TNFSF8: variants seen among roughly 807,000 people sequenced by gnomAD.
TNFSF8 encodes tumor necrosis factor ligand superfamily member 8.
In TNFSF8, 4 loss-of-function variants were observed where a neutral mutation model predicts 22.0. That is an observed-to-expected ratio of 0.18 (90% CI 0.09 to 0.42). The LOEUF is 0.42. TNFSF8 is among the 10% of genes least tolerant of loss of function. The pLI, the probability that TNFSF8 is intolerant of heterozygous loss-of-function variation, is 1.00. For missense variants in TNFSF8, 233 were observed against 281.8 expected (o/e 0.83, Z 1.24); for synonymous variants, 106 against 112.5 (o/e 0.94, Z 0.37).
At position 114,901,517 on chromosome 9, in the gene TNFSF8, A is replaced by T; in HGVS notation, c.*2414T>A. The T allele has an allele frequency of 1.0e-6, 1 of 985,254 alleles. No homozygotes were observed. Among genetic ancestry groups the T allele is most frequent in the Non-Finnish European group, 1.2e-6 (1 of 829,762 alleles). The allele number at this position is 985,254 out of a possible 1,614,324, so 61.0% of individuals were successfully genotyped here. A position where few individuals can be genotyped will look rare whatever the true frequency, so the allele number is the denominator to read the frequency against. On this transcript the variant is annotated 3_prime_UTR_variant, in exon 4 of 4. Coordinates refer to ENST00000223795, the MANE Select transcript of TNFSF8 (RefSeq NM_001244.4). ...AATCTTTCTCGAGTTAGAATGTGAG[A>T]TGGCAAAAAAATTGCTTAGTTAACA...
chr9:114,918,117 C>T lies in TNFSF8; in HGVS notation c.217G>A (p.Asp73Asn). ...QRTDSIPNSP[D>N]NVPLKGGNCS... ...TTACCTCCTTTGAGGGGGACGTTGT[C>T]AGGTGAGTTGGGAATGGAGTCCTGG... Residue 73 changes from aspartate (D) to asparagine (N), a missense_variant, in exon 2 of 4, where the codon GAC becomes AAC. Coordinates refer to ENST00000223795, the MANE Select transcript of TNFSF8 (RefSeq NM_001244.4). 1 of 1,607,348 alleles carries T rather than the reference C, an allele frequency of 6.2e-7. No homozygotes were observed. Among genetic ancestry groups the T allele is most frequent in the Non-Finnish European group, 8.5e-7 (1 of 1,176,644 alleles).
At chr9:114,926,344 G>T (rs1828059508) in intron 1 of TNFSF8, among the ~76,000 whole-genome samples, 1 of 152,118 alleles carries the variant, frequency 6.6e-6, no homozygotes, top group Admixed American at 6.5e-5. Context: ...GCAGGAGAAT[G>T]GGGGGAATCC....
chr9:114,902,491 G>T lies in TNFSF8; in HGVS notation c.*1440C>A, dbSNP rs774704147. The T allele has an allele frequency of 5.1e-6, 5 of 985,420 alleles. No individual in the cohort carries two copies. The highest frequency in any genetic ancestry group is 4.8e-6 in the Non-Finnish European group (4 of 829,928). The allele number at this position is 985,420 out of a possible 1,614,324, so 61.0% of individuals were successfully genotyped here. ...ACTGGAATAGAGTCAGGCCTCGTCAGATGGTTTCCCAAACACCCAGATGGT... is the reference window on the plus strand; with the variant it reads ...ACTGGAATAGAGTCAGGCCTCGTCATATGGTTTCCCAAACACCCAGATGGT... On this transcript the variant is annotated 3_prime_UTR_variant, in exon 4 of 4. Transcript: ENST00000223795.
chr9:114,920,006 G>A (rs760187386), intron 1 of TNFSF8, among the ~76,000 whole-genome samples: 4 of 152,194 alleles, frequency 2.6e-5, no homozygotes, highest in Non-Finnish European at 5.9e-5. Context: ...CCTTCCTACT[G>A]TAACAGTCTA....
intron 2 of TNFSF8, among the ~76,000 whole-genome samples, chr9:114,909,631 T>C (rs979519295): frequency 3.3e-5 from 5 of 152,222 alleles, no homozygotes; most frequent in African/African-American, 1.2e-4. Flanking sequence ...CAGCAGGCTG[T>C]ATAGACTCAG....
intron 4 of TNFSF8, among the ~76,000 whole-genome samples, chr9:114,895,942 C>T (rs532657645): frequency 6.6e-6 from 1 of 152,326 alleles, no homozygotes; most frequent in Admixed American, 6.5e-5. Context: ...CCAAGGGAGA[C>T]AGTTGGATCA....
chr9:114,927,097 GTTTA>G (rs1317441252), intron 1 of TNFSF8, among the ~76,000 whole-genome samples: 28 of 142,616 alleles, frequency 2.0e-4, no homozygotes, highest in African/African-American at 7.0e-4. Context: ...AATATAAAAT[GTTTA>G]TTTTATAATA....
At chr9:114,920,097 A>T (rs1418592883) in intron 1 of TNFSF8, among the ~76,000 whole-genome samples, 1 of 152,250 alleles carries the variant, frequency 6.6e-6, no homozygotes, top group Admixed American at 6.5e-5. Context: ...TGCAGTTTGC[A>T]GGAAAACTTG....
intron 1 of TNFSF8, among the ~76,000 whole-genome samples, chr9:114,922,578 G>A (rs1224335838): frequency 6.6e-6 from 1 of 152,194 alleles, no homozygotes; most frequent in Non-Finnish European, 1.5e-5. Context: ...TAGCACAGAA[G>A]GGATTCAAAC....
intron 1 of TNFSF8, among the ~76,000 whole-genome samples, chr9:114,921,423 T>C (rs1827986184): frequency 6.6e-6 from 1 of 152,158 alleles, no homozygotes; most frequent in South Asian, 2.1e-4. Flanking sequence ...GGACTGAAAT[T>C]CTCTGGTGTA....
chr9:114,900,317 G>C (rs1827701627), downstream of TNFSF8, among the ~76,000 whole-genome samples: 2 of 152,204 alleles, frequency 1.3e-5, no homozygotes, highest in Non-Finnish European at 2.9e-5. Context: ...GGAGAAGTCA[G>C]CCTGTATCAT....
At chr9:114,896,616 G>C (rs1309147315), downstream of TNFSF8, among the ~76,000 whole-genome samples, 6 of 152,028 alleles carry the variant, frequency 3.9e-5, no homozygotes, top group African/African-American at 1.5e-4. Context: ...CTATTTTTGT[G>C]TCAATCAAAA....
chr9:114,912,394 G>A (rs1319801351), intron 2 of TNFSF8, among the ~76,000 whole-genome samples: 1 of 152,112 alleles, frequency 6.6e-6, no homozygotes, highest in East Asian at 1.9e-4. Flanking sequence ...CAAGGAATGG[G>A]CCTGCTTTCT....
chr9:114,911,553 C>G (rs1827851990), intron 2 of TNFSF8, among the ~76,000 whole-genome samples: 1 of 152,182 alleles, frequency 6.6e-6, no homozygotes, highest in South Asian at 2.1e-4. Context: ...GAGAGATAAA[C>G]TGCAGGATGG....
chr9:114,919,529 G>C (rs1244066619), intron 1 of TNFSF8, among the ~76,000 whole-genome samples: 1 of 152,116 alleles, frequency 6.6e-6, no homozygotes, highest in Non-Finnish European at 1.5e-5. Context: ...CTCCAGCCAT[G>C]GAGACACCCA....
At chr9:114,920,829 C>T (rs889062204) in intron 1 of TNFSF8, among the ~76,000 whole-genome samples, 11 of 152,064 alleles carry the variant, frequency 7.2e-5, no homozygotes, top group East Asian at 1.9e-4. Context: ...CCACCACCCC[C>T]GGCTAATTTT....
chr9:114,928,813 T>C (rs972825632), intron 1 of TNFSF8, among the ~76,000 whole-genome samples: 1 of 152,244 alleles, frequency 6.6e-6, no homozygotes, highest in Non-Finnish European at 1.5e-5. Flanking sequence ...TGTAGAGATA[T>C]GAGCTTCAAA....
In TNFSF8 at chr9:114,904,267, T is replaced by C. The variant is rs1219942351; in HGVS notation, c.369A>G (p.Gly123=). ...CCAGATTCCCATCCTGATATCTGAC[T>C]CCATGGAGAATGCCATCTTTGTTCC... ...LSWNKDGILH[G]VRYQDGNLVI... Residue 123 remains glycine, a synonymous_variant, in exon 4 of 4, where the codon GGA becomes GGG. Transcript: ENST00000223795. The C allele has an allele frequency of 1.2e-6, 2 of 1,613,804 alleles. No homozygotes were observed. The highest frequency in any genetic ancestry group is 1.7e-5 in the Admixed American group (1 of 59,984).
At chr9:114,906,214 C>T (rs551689005) in intron 2 of TNFSF8, among the ~76,000 whole-genome samples, 1 of 152,270 alleles carries the variant, frequency 6.6e-6, no homozygotes, top group African/African-American at 2.4e-5. Flanking sequence ...ATTTCATCTC[C>T]TTAATCTTTG....
Sources: allele counts gnomAD v4.1 joint callset (sites outside exome capture counted in the v4.1 genomes callset), GRCh38; gene constraint gnomAD v4.1.1; transcripts MANE v1.5; gene names NCBI Gene and HGNC (gene_info 2026-07-23, HGNC 2026-07-21).